The following PRKCA variants were observed in gnomAD, a reference collection of about 807,000 sequenced individuals.
PRKCA encodes protein kinase C alpha.
PRKCA carries 27 observed loss-of-function variants against 87.0 expected under a neutral mutation model. That is an observed-to-expected ratio of 0.31 (90% CI 0.23 to 0.43). The LOEUF (loss-of-function observed/expected upper bound fraction) is 0.43. Ranked by LOEUF, PRKCA falls within the 20% of genes least tolerant of loss-of-function variation. PRKCA has a pLI of 1.00. For missense variants in PRKCA, 518 were observed against 852.3 expected, an observed-to-expected ratio of 0.61 and a Z score of 4.88; for synonymous variants, 329 against 311.1, an observed-to-expected ratio of 1.06 and a Z score of -0.61.
chr17:66,347,964 AC>A (rs1907505526), intron 2 of PRKCA, among the ~76,000 whole-genome samples: 1 of 80,708 alleles, frequency 1.2e-5, no homozygotes, highest in Admixed American at 1.6e-4. Context: ...TTTTTTTGAG[AC>A]AAAGTCTTGC....
intron 2 of PRKCA, among the ~76,000 whole-genome samples, chr17:66,379,346 G>C (rs1909658744): frequency 6.6e-6 from 1 of 152,164 alleles, no homozygotes; most frequent in African/African-American, 2.4e-5. Context: ...TAGTCAGCCT[G>C]GTAAGACCAA....
chr17:66,451,906 T>C (rs191646926), intron 2 of PRKCA, among the ~76,000 whole-genome samples: 1 of 152,316 alleles, frequency 6.6e-6, no homozygotes, highest in Admixed American at 6.5e-5. Flanking sequence ...TATCTTTCTT[T>C]TGCTCCTGGC....
At position 66,467,133 on chromosome 17, in the gene PRKCA, G is replaced by T. The variant is rs114623416; in HGVS notation, c.206-29068G>T. On this transcript the variant is annotated intron_variant, in intron 2 of 16. Coordinates refer to ENST00000413366, the MANE Select transcript of PRKCA (RefSeq NM_002737.3). Reference sequence around the variant, plus strand: ...CTGAGCATCTTAGAGAGGGATGACTGTGCATGTTGCCTCATGCGCAGGAGG... The same window carrying T: ...CTGAGCATCTTAGAGAGGGATGACTTTGCATGTTGCCTCATGCGCAGGAGG... 3.6e-3 allele frequency among the ~76,000 whole-genome samples: 544 copies of T among 152,254 alleles called. 3 individuals are homozygous for T. The highest frequency in any genetic ancestry group is 0.012 in the African/African-American group (510 of 41,558).
At chr17:66,725,474 TC>T (rs960466238) in intron 8 of PRKCA, among the ~76,000 whole-genome samples, 1 of 151,922 alleles carries the variant, frequency 6.6e-6, no homozygotes, top group Non-Finnish European at 1.5e-5. Context: ...GGTCCTTACC[TC>T]CTAGGATCTC....
At chr17:66,434,316 G>A (rs1271329804) in intron 2 of PRKCA, among the ~76,000 whole-genome samples, 1 of 151,922 alleles carries the variant, frequency 6.6e-6, no homozygotes, top group African/African-American at 2.4e-5. Context: ...TTACAATGTG[G>A]CTTATCAAGT....
At chr17:66,715,274 T>G (rs1419705857) in intron 8 of PRKCA, among the ~76,000 whole-genome samples, 1 of 152,246 alleles carries the variant, frequency 6.6e-6, no homozygotes, top group Admixed American at 6.5e-5. Context: ...GTGCGTTTTT[T>G]GTTACTGTTT....
chr17:66,355,392 C>A, intron 2 of PRKCA, among the ~76,000 whole-genome samples: 1 of 152,144 alleles, frequency 6.6e-6, no homozygotes, highest in East Asian at 1.9e-4. Flanking sequence ...AAGTTTTGCA[C>A]CTGCTTGTGC....
intron 2 of PRKCA, among the ~76,000 whole-genome samples, chr17:66,476,086 G>A (rs1455791662): frequency 6.6e-6 from 1 of 152,012 alleles, no homozygotes. Flanking sequence ...TTTTAGTAGA[G>A]GCAGAGTTTT....
chr17:66,801,123 G>A (rs755360577), intron 16 of PRKCA, among the ~76,000 whole-genome samples: 10 of 152,134 alleles, frequency 6.6e-5, no homozygotes, highest in African/African-American at 1.2e-4. Flanking sequence ...TCCATTCTCC[G>A]CTCTCACATA....
At chr17:66,515,647 A>G (rs1001808257) in intron 3 of PRKCA, among the ~76,000 whole-genome samples, 2 of 151,926 alleles carry the variant, frequency 1.3e-5, no homozygotes, top group Non-Finnish European at 2.9e-5. Context: ...GGCTCAGGTG[A>G]TCCTCCCCCC....
chr17:66,536,388 C>T (rs959548783), intron 3 of PRKCA, among the ~76,000 whole-genome samples: 1 of 152,130 alleles, frequency 6.6e-6, no homozygotes, highest in African/African-American at 2.4e-5. Context: ...ACAGAAAACA[C>T]ACAAGATTAG....
At chr17:66,443,885 C>T (rs539755022) in intron 2 of PRKCA, among the ~76,000 whole-genome samples, 12 of 152,230 alleles carry the variant, frequency 7.9e-5, no homozygotes, top group South Asian at 6.2e-4. Context: ...AATGGATACC[C>T]GCTACATCTG....
intron 2 of PRKCA, among the ~76,000 whole-genome samples, chr17:66,346,866 C>T (rs1260838941): frequency 1.3e-5 from 2 of 151,858 alleles, no homozygotes; most frequent in Admixed American, 6.6e-5. Flanking sequence ...CCCATCTCTA[C>T]TAAAAATACA....
At chr17:66,675,251 A>G (rs1216362440) in intron 5 of PRKCA, among the ~76,000 whole-genome samples, 1 of 152,124 alleles carries the variant, frequency 6.6e-6, no homozygotes, top group African/African-American at 2.4e-5. Flanking sequence ...AGGGCAAACC[A>G]GCTCCCTTGG....
chr17:66,798,158 C>G (rs914164119), intron 16 of PRKCA, among the ~76,000 whole-genome samples: 7 of 152,228 alleles, frequency 4.6e-5, no homozygotes, highest in Non-Finnish European at 5.9e-5. Context: ...TAGGTGCCCC[C>G]TCAGCCCTTT....
chr17:66,370,327 G>T (rs752408578), intron 2 of PRKCA, among the ~76,000 whole-genome samples: 1 of 148,812 alleles, frequency 6.7e-6, no homozygotes, highest in Non-Finnish European at 1.5e-5. Context: ...TGCCTCCCGG[G>T]TTCAAGCAAT....
intron 2 of PRKCA, among the ~76,000 whole-genome samples, chr17:66,490,635 C>T (rs993429184): frequency 2.6e-5 from 4 of 152,010 alleles, no homozygotes; most frequent in Admixed American, 1.3e-4. Context: ...GACTGGAGTG[C>T]AGTGGTGTGA....
At chr17:66,652,159 A>G (rs1016615503) in intron 5 of PRKCA, among the ~76,000 whole-genome samples, 3 of 152,146 alleles carry the variant, frequency 2.0e-5, no homozygotes, top group Admixed American at 6.5e-5. Flanking sequence ...AGGTTCCACC[A>G]TGTTAGCTAG....
At chr17:66,596,437 G>A (rs76089777) in intron 3 of PRKCA, among the ~76,000 whole-genome samples, 3,091 of 152,046 alleles carry the variant, frequency 0.02, 118 homozygotes, top group African/African-American at 0.07. Flanking sequence ...CCCCATCCCA[G>A]TGACATTACA....
Sources: gnomAD v4.1 joint callset for allele counts (sites outside exome capture counted in the v4.1 genomes callset) on GRCh38, gnomAD v4.1.1 for gene constraint, MANE v1.5 for transcripts, NCBI Gene and HGNC (gene_info 2026-07-23, HGNC 2026-07-21) for gene names.